CCDC14: variants seen among roughly 807,000 people sequenced by gnomAD.
CCDC14 encodes the protein coiled-coil domain containing 14.
In CCDC14, 71 loss-of-function variants were observed where a neutral mutation model predicts 81.4. The observed-to-expected ratio is 0.87, with a 90% CI of 0.72 to 1.06. The LOEUF (loss-of-function observed/expected upper bound fraction) is 1.06, where lower values mean the gene tolerates loss of function less well. Among genes scored for constraint, CCDC14 ranks in the 50% least tolerant of loss-of-function variants. The pLI is 0.00. For synonymous variants in CCDC14, 332 were observed against 364.8 expected, an observed-to-expected ratio of 0.91 and a Z score of 1.03; for missense variants, 1,046 against 1,047.3, an observed-to-expected ratio of 1.00 and a Z score of 0.02.
chr3:123,931,220 G>A lies in CCDC14; in HGVS notation c.1660C>T (p.Leu554=). The change falls in exon 12 of 13, where the codon CTA becomes TTA. Residue 554 remains leucine, a synonymous_variant. Coordinates refer to ENST00000409697, the MANE Select transcript of CCDC14 (RefSeq NM_001366335.1). ...TRIKIELEEA[L]VNVKSSQFKL... The stretch of plus-strand genomic sequence containing the variant: ...AACTGGGAGCTTTTCACATTGACTA[G>A]GGCTTCCTCCAATTCTAAAACAACA... 1 of 1,604,648 alleles carries A rather than the reference G, an allele frequency of 6.2e-7. No homozygotes were observed. The highest frequency in any genetic ancestry group is 8.5e-7 in the Non-Finnish European group (1 of 1,177,404).
At chr3:123,925,152 A>G (rs957908270) in intron 12 of CCDC14, among the ~76,000 whole-genome samples, 1 of 151,984 alleles carries the variant, frequency 6.6e-6, no homozygotes, top group Admixed American at 6.6e-5. Context: ...ACAAAAAAAA[A>G]CCCAGGAAAT....
intron 9 of CCDC14, among the ~76,000 whole-genome samples, chr3:123,942,707 G>T (rs2036411823): frequency 6.6e-6 from 1 of 152,064 alleles, no homozygotes; most frequent in Non-Finnish European, 1.5e-5. Flanking sequence ...CAGTGCTGCA[G>T]AAGCACCTGA....
chr3:123,916,155 C>A (rs998615942), intron 12 of CCDC14, among the ~76,000 whole-genome samples: 1 of 151,830 alleles, frequency 6.6e-6, no homozygotes. Context: ...CGCATCACCA[C>A]GCCTGGCTAA....
intron 12 of CCDC14, among the ~76,000 whole-genome samples, chr3:123,919,540 T>C (rs74967590): frequency 0.11 from 16,772 of 152,226 alleles, 2,073 homozygotes; most frequent in East Asian, 0.42. Flanking sequence ...AGAGCCCAGC[T>C]GGCAGCTCCA....
At chr3:123,889,872 C>T in the CCDC14 span, among the ~76,000 whole-genome samples, 2 of 152,328 alleles carry the variant, frequency 1.3e-5, no homozygotes, top group Admixed American at 6.5e-5. Context: ...CAGGCATTTC[C>T]ATACATCCTC....
intron 5 of CCDC14, among the ~76,000 whole-genome samples, chr3:123,906,032 G>A (rs1017176161): frequency 6.6e-6 from 1 of 152,176 alleles, no homozygotes; most frequent in Admixed American, 6.5e-5. Context: ...CAATGAATGA[G>A]ATGAAAGATC....
chr3:123,946,601 C>T (rs1879362), intron 8 of CCDC14, among the ~76,000 whole-genome samples: 149,996 of 152,260 alleles, frequency 0.99, 73,894 homozygotes, highest in East Asian at 1. Context: ...GAATGTTTGA[C>T]ATTCTCAAAC....
intron 10 of CCDC14, 160 bp downstream of exon 10, chr3:123,933,509 CAAAA>C (rs565263161): frequency 5.2e-6 from 3 of 574,826 alleles, no homozygotes; most frequent in African/African-American, 1.9e-5. Context: ...AACAAACAAA[CAAAA>C]AAAGGTGTAT....
chr3:123,950,626 T>C (rs1301779992), intron 5 of CCDC14, among the ~76,000 whole-genome samples: 1 of 151,916 alleles, frequency 6.6e-6, no homozygotes, highest in Non-Finnish European at 1.5e-5. Flanking sequence ...TACACAGGGA[T>C]GAGGGTCTAG....
At chr3:123,891,427 A>G in the CCDC14 span, among the ~76,000 whole-genome samples, 2 of 152,252 alleles carry the variant, frequency 1.3e-5, no homozygotes, top group Non-Finnish European at 2.9e-5. Flanking sequence ...TGCCTTTAAC[A>G]GCACCTAAGT....
Position 123,915,681 on chromosome 3 carries a change from G to A in CCDC14, c.1816C>T (p.Leu606Phe). The A allele has an allele frequency of 6.2e-7, 1 of 1,613,262 alleles. No individual in the cohort carries two copies. The highest frequency in any genetic ancestry group is 8.5e-7 in the Non-Finnish European group (1 of 1,179,612). Residue 606 changes from leucine to phenylalanine, a missense_variant, in exon 13 of 13, where the codon CTT becomes TTT. Leu to Phe is a conservative substitution (Grantham distance 22). Coordinates refer to ENST00000409697, the MANE Select transcript of CCDC14 (RefSeq NM_001366335.1). ...QTSMAKLLSD[L>F]SVDSARCKPG... ...TTGCAGCGAGCACTGTCCACACTAA[G>A]ATCGGAGAGAAGCTTTGCCATGCTA...
Position 123,926,029 on chromosome 3 carries a change from T to G in CCDC14, c.1778+5073A>C, listed in dbSNP as rs979601143. Among the ~76,000 whole-genome samples the G allele has an allele frequency of 2.6e-5, 4 of 152,200 alleles. No homozygotes were observed. In the East Asian group the frequency reaches 7.7e-4, roughly 29 times the overall value. ...AACGAATAATGACCCACTAATTAAT[T>G]TGATCAGACTGCATACCGAAATTTT... is the stretch of plus-strand genomic sequence containing the variant. On this transcript the variant is annotated intron_variant, in intron 12 of 12. Coordinates refer to ENST00000409697, the MANE Select transcript of CCDC14 (RefSeq NM_001366335.1).
intron 5 of CCDC14, among the ~76,000 whole-genome samples, chr3:123,898,899 T>G (rs1242282569): frequency 1.4e-5 from 2 of 146,968 alleles, no homozygotes; most frequent in African/African-American, 5.1e-5. Flanking sequence ...TTTTTTTTTT[T>G]GGTAGAGATT....
chr3:123,899,203 A>G (rs1424049066), intron 5 of CCDC14, among the ~76,000 whole-genome samples: 1 of 152,214 alleles, frequency 6.6e-6, no homozygotes, highest in Admixed American at 6.5e-5. Context: ...AAAACTTATC[A>G]GAGGTTCTTA....
chr3:123,949,985 C>T (rs1348260349), intron 5 of CCDC14, among the ~76,000 whole-genome samples: 1 of 152,170 alleles, frequency 6.6e-6, no homozygotes, highest in Non-Finnish European at 1.5e-5. Context: ...TTTTCTCTTA[C>T]AGAACCTAGT....
the CCDC14 span, among the ~76,000 whole-genome samples, chr3:123,886,844 A>G: frequency 6.6e-6 from 1 of 152,180 alleles, no homozygotes. Context: ...CTAGAGAAAT[A>G]TTATTCTTCA....
At chr3:123,919,701 T>G (rs1183285887) in intron 12 of CCDC14, among the ~76,000 whole-genome samples, 1 of 152,198 alleles carries the variant, frequency 6.6e-6, no homozygotes, top group African/African-American at 2.4e-5. Flanking sequence ...TCTGCCTGCC[T>G]ATAGTCACTA....
At chr3:123,923,513 C>A (rs2035168929) in intron 12 of CCDC14, among the ~76,000 whole-genome samples, 1 of 151,890 alleles carries the variant, frequency 6.6e-6, no homozygotes, top group East Asian at 1.9e-4. Context: ...CGATTTTATA[C>A]ACAGAAAATC....
At chr3:123,893,028 TCACCTGA>T (rs2034012023), downstream of CCDC14, among the ~76,000 whole-genome samples, 1 of 152,146 alleles carries the variant, frequency 6.6e-6, no homozygotes, top group Non-Finnish European at 1.5e-5. Context: ...ATGGTCTCAA[TCACCTGA>T]CCTTGTGATC....
Sources: allele counts gnomAD v4.1 joint callset (sites outside exome capture counted in the v4.1 genomes callset), GRCh38; gene constraint gnomAD v4.1.1; transcripts MANE v1.5; gene names NCBI Gene and HGNC (gene_info 2026-07-23, HGNC 2026-07-21).